Variants in ASCC3 observed in about 807,000 individuals in gnomAD.
ASCC3 encodes ASC-1 complex subunit P200.
Under a neutral mutation model 256.3 loss-of-function variants are expected in ASCC3, and 158 were observed. The ratio of observed to expected loss-of-function variants is 0.62; its 90% CI spans 0.54 to 0.70. The LOEUF (loss-of-function observed/expected upper bound fraction) is 0.70, where lower values mean the gene tolerates loss of function less well. Ranked by LOEUF, ASCC3 falls within the 30% of genes least tolerant of loss-of-function variation. The pLI is 0.00. For synonymous variants in ASCC3, 948 were observed against 883.4 expected, an observed-to-expected ratio of 1.07 and a Z score of -1.30; for missense variants, 2,259 against 2,626.0, an observed-to-expected ratio of 0.86 and a Z score of 3.05.
intron 1 of ASCC3, among the ~76,000 whole-genome samples, chr6:100,874,535 T>G (rs1474154917): frequency 6.6e-6 from 1 of 151,798 alleles, no homozygotes; most frequent in African/African-American, 2.4e-5. Flanking sequence ...TAAGTTTTAT[T>G]TGAAATGTAT....
At chr6:100,837,754 G>A (rs569275526) in intron 4 of ASCC3, among the ~76,000 whole-genome samples, 1 of 152,186 alleles carries the variant, frequency 6.6e-6, no homozygotes, top group African/African-American at 2.4e-5. Flanking sequence ...GGAGAACAAG[G>A]AGAGTTTGGC....
intron 10 of ASCC3, among the ~76,000 whole-genome samples, chr6:100,766,238 T>A (rs766673165): frequency 2.6e-5 from 4 of 152,202 alleles, no homozygotes; most frequent in Non-Finnish European, 5.9e-5. Flanking sequence ...AAGATCTATA[T>A]ATGTCCCTCC....
At chr6:100,662,118 C>A in intron 15 of ASCC3, 88 bp from the exon 16 acceptor site, 1 of 1,325,296 alleles carries the variant, frequency 7.5e-7, no homozygotes, top group African/African-American at 1.5e-5. Flanking sequence ...GCAAATATGG[C>A]AAGATCTCAA....
At chr6:100,695,454 A>T (rs941998963) in intron 13 of ASCC3, among the ~76,000 whole-genome samples, 2 of 152,166 alleles carry the variant, frequency 1.3e-5, no homozygotes, top group Admixed American at 6.5e-5. Context: ...ATCCTCCCTG[A>T]AATTTCTGGT....
chr6:100,560,481 G>A (rs1769874961), intron 36 of ASCC3, among the ~76,000 whole-genome samples: 1 of 151,992 alleles, frequency 6.6e-6, no homozygotes, highest in South Asian at 2.1e-4. Context: ...GACTCCACCT[G>A]AGCTTGTTTT....
At chr6:100,761,482 T>G (rs749937701) in intron 10 of ASCC3, among the ~76,000 whole-genome samples, 3 of 152,142 alleles carry the variant, frequency 2.0e-5, no homozygotes, top group African/African-American at 7.2e-5. Flanking sequence ...AGTGAGACCT[T>G]TTCTCTAAAA....
intron 13 of ASCC3, among the ~76,000 whole-genome samples, chr6:100,713,889 T>A (rs1373711574): frequency 6.6e-6 from 1 of 152,194 alleles, no homozygotes; most frequent in Non-Finnish European, 1.5e-5. Flanking sequence ...TGATAACATC[T>A]AGCTACTTAC....
intron 4 of ASCC3, among the ~76,000 whole-genome samples, chr6:100,840,665 T>G (rs1159811241): frequency 6.6e-6 from 1 of 152,032 alleles, no homozygotes; most frequent in African/African-American, 2.4e-5. Flanking sequence ...TAGATTATTC[T>G]CATTGAAAAT....
chr6:100,538,981 T>A (rs973100651), intron 37 of ASCC3, among the ~76,000 whole-genome samples: 3 of 152,056 alleles, frequency 2.0e-5, no homozygotes, highest in African/African-American at 7.2e-5. Flanking sequence ...CTGACAATCA[T>A]CCCCCAGTAA....
chr6:100,635,681 A>G lies in ASCC3; in HGVS notation c.4122+2920T>C, dbSNP rs530663798. ...TTGACAATGTATATCAAAACATCACATTGTATACCTTAAATATACATAATT... is the reference window on the plus strand; with the variant it reads ...TTGACAATGTATATCAAAACATCACGTTGTATACCTTAAATATACATAATT... On this transcript the variant is annotated intron_variant, in intron 25 of 41. Transcript: ENST00000369162. Among the ~76,000 whole-genome samples the G allele has an allele frequency of 2.6e-5, 4 of 152,254 alleles. 1 individual carries two copies. Among genetic ancestry groups the G allele is most frequent in the African/African-American group, 9.6e-5 (4 of 41,568 alleles).
chr6:100,556,398 A>T (rs1230437216), intron 36 of ASCC3, among the ~76,000 whole-genome samples: 1 of 152,212 alleles, frequency 6.6e-6, no homozygotes, highest in Non-Finnish European at 1.5e-5. Context: ...AGGCTAAATT[A>T]AGGAAATGTT....
intron 13 of ASCC3, among the ~76,000 whole-genome samples, chr6:100,689,142 A>G (rs1016589330): frequency 6.6e-6 from 1 of 152,118 alleles, no homozygotes; most frequent in African/African-American, 2.4e-5. Context: ...TCCTTCTCCA[A>G]TCTCGCCAGG....
intron 34 of ASCC3, among the ~76,000 whole-genome samples, chr6:100,591,069 G>A (rs1771977541): frequency 2.0e-5 from 3 of 151,952 alleles, no homozygotes; most frequent in African/African-American, 7.2e-5. Flanking sequence ...CTATTGAAAA[G>A]TTACTGCTTT....
chr6:100,717,733 T>G (rs772930905), intron 12 of ASCC3, among the ~76,000 whole-genome samples: 3 of 152,124 alleles, frequency 2.0e-5, no homozygotes, highest in Admixed American at 6.6e-5. Flanking sequence ...ACTTGTTTAA[T>G]TGGAGTTTTT....
intron 30 of ASCC3, among the ~76,000 whole-genome samples, chr6:100,624,036 C>T (rs1224069241): frequency 6.6e-6 from 1 of 151,482 alleles, no homozygotes; most frequent in Admixed American, 6.6e-5. Flanking sequence ...TTACTGGGTG[C>T]AGCACACCAA....
chr6:100,809,081 A>C (rs1770330042), intron 4 of ASCC3, among the ~76,000 whole-genome samples: 1 of 151,988 alleles, frequency 6.6e-6, no homozygotes, highest in South Asian at 2.1e-4. Context: ...TCAGTGAGTG[A>C]GTAATGAGTG....
chr6:100,788,269 T>TAC (rs1273773553), intron 8 of ASCC3, among the ~76,000 whole-genome samples: 1 of 151,936 alleles, frequency 6.6e-6, no homozygotes, highest in African/African-American at 2.4e-5. Context: ...AATGAGATAC[T>TAC]ACTACACAAC....
At chr6:100,527,672 T>C (rs1251601057) in intron 37 of ASCC3, among the ~76,000 whole-genome samples, 1 of 152,176 alleles carries the variant, frequency 6.6e-6, no homozygotes, top group African/African-American at 2.4e-5. Context: ...AATCATTTGT[T>C]AATGAAAATA....
Position 100,651,583 on chromosome 6 carries a change from C to T in ASCC3, c.3052G>A (p.Ala1018Thr), listed in dbSNP as rs544662245. The change falls in exon 19 of 42, where the codon GCT becomes ACT. Residue 1018 changes from alanine to threonine, a missense_variant. Ala to Thr is a moderately conservative substitution (Grantham distance 58). This residue lies in a region of ASCC3 where 1,839 missense variants were observed against 2,206.7 expected (regional missense o/e 0.83). Transcript: ENST00000369162. ...EGDIFAIVSK[A>T]EEFDQIKVRE... The stretch of plus-strand genomic sequence containing the variant: ...ACCTTAATTTGATCAAATTCTTCAG[C>T]TTTGGAGACTATGGCAAAGATATCA... 2 of 1,582,958 alleles carry T rather than the reference C, an allele frequency of 1.3e-6. No individual in the cohort carries two copies. The highest frequency in any genetic ancestry group is 2.7e-5 in the African/African-American group (2 of 74,324).
Sources: allele counts gnomAD v4.1 joint callset (sites outside exome capture counted in the v4.1 genomes callset), GRCh38; gene constraint gnomAD v4.1.1; regional missense constraint gnomAD v4.1.1; transcripts MANE v1.5; gene names NCBI Gene and HGNC (gene_info 2026-07-23, HGNC 2026-07-21).